Variants in AKIRIN1 observed in about 807,000 individuals in gnomAD.
The protein encoded by AKIRIN1 is akirin 1, also known as akirin-1.
Under a neutral mutation model 25.9 loss-of-function variants are expected in AKIRIN1, and 4 were observed. That is an observed-to-expected ratio of 0.15 (90% CI 0.08 to 0.35). The LOEUF is 0.35. Among genes scored for constraint, AKIRIN1 ranks in the 10% least tolerant of loss-of-function variants. The pLI is 1.00. For synonymous variants in AKIRIN1, 125 were observed against 105.1 expected, an observed-to-expected ratio of 1.19 and a Z score of -1.16; for missense variants, 243 against 266.1, an observed-to-expected ratio of 0.91 and a Z score of 0.61.
intron 1 of AKIRIN1, among the ~76,000 whole-genome samples, chr1:38,997,530 C>T (rs544638758): frequency 8.5e-5 from 13 of 152,076 alleles, no homozygotes; most frequent in African/African-American, 3.1e-4. Flanking sequence ...CACCCAGGCT[C>T]CCTTGTGGTT....
intron 1 of AKIRIN1, among the ~76,000 whole-genome samples, chr1:38,995,543 T>C (rs1643941622): frequency 6.6e-6 from 1 of 152,246 alleles, no homozygotes; most frequent in Admixed American, 6.5e-5. Flanking sequence ...ATGGATACCG[T>C]GTTTAGATTC....
chr1:38,999,602 G>C (rs1200374762), intron 2 of AKIRIN1, among the ~76,000 whole-genome samples: 92 of 152,238 alleles, frequency 6.0e-4, no homozygotes, highest in Non-Finnish European at 1.6e-4. Context: ...CTATTCTCTT[G>C]AGATTTCAGT....
At chr1:39,002,935 C>T (rs982225420) in intron 3 of AKIRIN1, among the ~76,000 whole-genome samples, 1 of 152,156 alleles carries the variant, frequency 6.6e-6, no homozygotes, top group Admixed American at 6.6e-5. Flanking sequence ...GCTTTCTAGC[C>T]ATCCCACACT....
At chr1:39,000,123 A>C (rs1643977966) in intron 2 of AKIRIN1, among the ~76,000 whole-genome samples, 1 of 151,570 alleles carries the variant, frequency 6.6e-6, no homozygotes, top group South Asian at 2.1e-4. Context: ...ACCTCAAGTG[A>C]TCAACCCGTC....
intron 1 of AKIRIN1, among the ~76,000 whole-genome samples, chr1:38,992,185 G>T (rs964611066): frequency 6.6e-6 from 1 of 152,220 alleles, no homozygotes; most frequent in East Asian, 1.9e-4. Flanking sequence ...CTATTGCCTC[G>T]TACCATATAT....
intron 1 of AKIRIN1, among the ~76,000 whole-genome samples, chr1:38,993,206 A>G (rs1328418159): frequency 1.3e-5 from 2 of 152,180 alleles, no homozygotes; most frequent in Non-Finnish European, 2.9e-5. Flanking sequence ...CAATACTACT[A>G]TCCTCTAGAC....
At chr1:39,000,895 C>T in intron 2 of AKIRIN1, 77 bp from the exon 3 acceptor site, 1 of 1,470,512 alleles carries the variant, frequency 6.8e-7, no homozygotes, top group Non-Finnish European at 9.1e-7. Context: ...GATCCGCCTG[C>T]CTTGGCCTCC....
At position 39,001,123 on chromosome 1, in the gene AKIRIN1, A is replaced by G. The variant is rs749868462; in HGVS notation, c.496+17A>G. ...AACTAGCAGGTAGGCCCAGGCAGTG[A>G]CTGCCATTGTCATTAACAGGGTTCA... On this transcript the variant is annotated intron_variant, in intron 3 of 4. Transcript: ENST00000432648. 2 of 1,599,380 alleles carry G rather than the reference A, an allele frequency of 1.3e-6. No individual in the cohort carries two copies. The highest frequency in any genetic ancestry group is 3.6e-5 in the Admixed American group (2 of 56,122).
intron 2 of AKIRIN1, among the ~76,000 whole-genome samples, chr1:38,999,020 G>T (rs1271411726): frequency 2.6e-5 from 4 of 152,152 alleles, no homozygotes; most frequent in Non-Finnish European, 5.9e-5. Context: ...AACAGGGGCT[G>T]CTCATTATTG....
At position 38,998,330 on chromosome 1, in the gene AKIRIN1, G is replaced by A. The variant is rs1643962542; in HGVS notation, c.361+19G>A. ...TCTCCAGGTAAGCCCACTTTGATCT[G>A]CAAAATTCGCATTAAGAGTTTGTAA... On this transcript the variant is annotated intron_variant, in intron 2 of 4. Coordinates refer to ENST00000432648, the MANE Select transcript of AKIRIN1 (RefSeq NM_024595.3). The A allele has an allele frequency of 6.3e-7, 1 of 1,582,510 alleles. No individual in the cohort carries two copies. Among genetic ancestry groups the A allele is most frequent in the Non-Finnish European group, 8.6e-7 (1 of 1,164,064 alleles).
chr1:38,992,295 C>T (rs1261516491), intron 1 of AKIRIN1, among the ~76,000 whole-genome samples: 2 of 152,170 alleles, frequency 1.3e-5, no homozygotes, highest in Admixed American at 6.5e-5. Context: ...AGGGACTCTC[C>T]TTCAGTAAGG....
intron 3 of AKIRIN1, among the ~76,000 whole-genome samples, chr1:39,001,407 G>A (rs903965266): frequency 1.6e-4 from 25 of 151,604 alleles, no homozygotes; most frequent in African/African-American, 6.1e-4. Context: ...GGGATTACAG[G>A]CATGCGCCAC....
chr1:39,003,172 G>T (rs1160421443), intron 3 of AKIRIN1, among the ~76,000 whole-genome samples, 175 bp from the exon 4 acceptor site: 1 of 152,140 alleles, frequency 6.6e-6, no homozygotes, highest in African/African-American at 2.4e-5. Context: ...GTTCTAAGAG[G>T]AACAGATCTC....
intron 1 of AKIRIN1, among the ~76,000 whole-genome samples, chr1:38,995,107 A>C (rs1643937987): frequency 1.3e-5 from 2 of 152,180 alleles, no homozygotes; most frequent in East Asian, 3.8e-4. Context: ...CTGGGATTGC[A>C]TGAGCCACTG....
Position 38,998,172 on chromosome 1 carries a change from G to C in AKIRIN1, c.222G>C (p.Glu74Asp). The C allele has an allele frequency of 6.2e-7, 1 of 1,601,628 alleles. No homozygotes were observed. Among genetic ancestry groups the C allele is most frequent in the East Asian group, 2.2e-5 (1 of 44,702 alleles). Residue 74 changes from glutamate (E) to aspartate (D), a missense_variant and splice_region_variant, in exon 2 of 5, where the codon GAG becomes GAC. Physicochemically the swap from Glu to Asp is conservative, Grantham distance 45 (BLOSUM62 2). Around this residue, in one of 3 missense-constraint regions of AKIRIN1, gnomAD observed 190 missense variants for 174.4 expected, o/e 1.09. Transcript: ENST00000432648. ...TCAAGTTTGTTTCTTTTTTATTAGAGCAAATTTTTCAGAACATAAAACAAG... is the reference window on the plus strand; with the variant it reads ...TCAAGTTTGTTTCTTTTTTATTAGACCAAATTTTTCAGAACATAAAACAAG... ...PGSERRLPTP[E>D]QIFQNIKQEY...
At chr1:38,995,011 T>G (rs1394758795) in intron 1 of AKIRIN1, among the ~76,000 whole-genome samples, 1 of 151,850 alleles carries the variant, frequency 6.6e-6, no homozygotes, top group Non-Finnish European at 1.5e-5. Flanking sequence ...GTATTTTTTT[T>G]GTCAAGACAG....
Position 39,004,733 on chromosome 1 carries a change from A to G in AKIRIN1, c.*678A>G. On this transcript the variant is annotated 3_prime_UTR_variant, in exon 5 of 5. Coordinates refer to ENST00000432648, the MANE Select transcript of AKIRIN1 (RefSeq NM_024595.3). The stretch of plus-strand genomic sequence containing the variant: ...GGTGAGAAATTAGAACAAACTGGAG[A>G]CGGGCCATTGACACATGGACTCTGC... The G allele has an allele frequency of 6.4e-6, 1 of 156,996 alleles. No homozygotes were observed. The highest frequency in any genetic ancestry group is 1.4e-5 in the Non-Finnish European group (1 of 70,970). 9.7% of individuals were successfully genotyped at this position (156,996 alleles called of 1,614,324 possible). A position where few individuals can be genotyped will look rare whatever the true frequency, so the allele number is the denominator to read the frequency against.
intron 3 of AKIRIN1, among the ~76,000 whole-genome samples, chr1:39,003,116 A>G (rs1438112405): frequency 6.6e-6 from 1 of 152,180 alleles, no homozygotes; most frequent in Non-Finnish European, 1.5e-5. Context: ...AAATACCATT[A>G]TATACCATCA....
At chr1:38,994,105 A>G (rs780178247) in intron 1 of AKIRIN1, among the ~76,000 whole-genome samples, 1 of 151,918 alleles carries the variant, frequency 6.6e-6, no homozygotes, top group African/African-American at 2.4e-5. Flanking sequence ...TAGCTGGGCA[A>G]TTTTTCTGAA....
Sources: allele counts gnomAD v4.1 joint callset (sites outside exome capture counted in the v4.1 genomes callset), GRCh38; gene constraint gnomAD v4.1.1; regional missense constraint gnomAD v4.1.1; transcripts MANE v1.5; gene names NCBI Gene and HGNC (gene_info 2026-07-23, HGNC 2026-07-21).